PEMT: variants seen among roughly 807,000 people sequenced by gnomAD.
PEMT encodes phospholipid methyltransferase.
In PEMT, 23 loss-of-function variants were observed where a neutral mutation model predicts 27.4. The observed-to-expected ratio is 0.84, with a 90% CI of 0.60 to 1.19. PEMT has a LOEUF of 1.19. Among genes scored for constraint, PEMT ranks in the 50% most tolerant of loss-of-function variants. PEMT has a pLI of 0.00. For missense variants in PEMT, 307 were observed against 310.1 expected (o/e 0.99, Z 0.07); for synonymous variants, 137 against 139.1 (o/e 0.98, Z 0.11).
chr17:17,576,116 C>T (rs1175768486), intron 2 of PEMT, among the ~76,000 whole-genome samples: 1 of 152,146 alleles, frequency 6.6e-6, no homozygotes, highest in East Asian at 1.9e-4. Flanking sequence ...CAGCAGGATC[C>T]CCGGGAAGCA....
Position 17,505,838 on chromosome 17 carries a change from C to A in PEMT, c.664G>T (p.Ala222Ser). The A allele has an allele frequency of 1.9e-6, 3 of 1,610,046 alleles. No homozygotes were observed. Among genetic ancestry groups the A allele is most frequent in the Middle Eastern group, 1.7e-4 (1 of 6,042 alleles). Residue 222 changes from alanine to serine, a missense_variant, in exon 7 of 7, where the codon GCT becomes TCT. By Grantham distance (99) the Ala-to-Ser change is moderately conservative. Coordinates refer to ENST00000255389, the MANE Select transcript of PEMT (RefSeq NM_148172.3). Reference sequence around the variant, plus strand: ...GAGGCTTTCTGCCGGTAGATCTCAGCGGTGAAGGGCCTGCCGGGCAGCGGG... The same window carrying A: ...GAGGCTTTCTGCCGGTAGATCTCAGAGGTGAAGGGCCTGCCGGGCAGCGGG... Reference protein sequence around the residue: ...VALLYEEPFTAEIYRQKASGS... With the variant: ...VALLYEEPFTSEIYRQKASGS...
chr17:17,562,547 A>C (rs954097318), intron 2 of PEMT, among the ~76,000 whole-genome samples: 20 of 152,312 alleles, frequency 1.3e-4, no homozygotes, highest in Non-Finnish European at 2.8e-4. Flanking sequence ...ACGGTGGCTC[A>C]CCTGTAATCC....
chr17:17,587,193 G>C (rs1912361630), intron 1 of PEMT, among the ~76,000 whole-genome samples: 1 of 151,944 alleles, frequency 6.6e-6, no homozygotes, highest in South Asian at 2.1e-4. Context: ...CCTCCAGCCA[G>C]CCTGACCAAG....
chr17:17,524,180 T>C (rs1470146764), intron 2 of PEMT, among the ~76,000 whole-genome samples: 1 of 152,218 alleles, frequency 6.6e-6, no homozygotes, highest in African/African-American at 2.4e-5. Flanking sequence ...TAGGTTGCGT[T>C]AGCAGCACTG....
At position 17,505,778 on chromosome 17, in the gene PEMT, T is replaced by G. The variant is rs367695879; in HGVS notation, c.*13A>C. 1.2e-4 allele frequency: 198 copies of G among 1,606,416 alleles called. No individual in the cohort carries two copies. The highest frequency in any genetic ancestry group is 1.6e-4 in the Non-Finnish European group (192 of 1,176,056). On this transcript the variant is annotated 3_prime_UTR_variant, in exon 7 of 7. Transcript: ENST00000255389. The stretch of plus-strand genomic sequence containing the variant: ...AGGCTGGCCAGGCCTTCAGCAAAGC[T>G]GTTGCAGCTCAATCAGCTCCTCTTG...
intron 3 of PEMT, among the ~76,000 whole-genome samples, chr17:17,517,105 G>A (rs1019019556): frequency 6.6e-5 from 10 of 152,196 alleles, no homozygotes; most frequent in African/African-American, 1.4e-4. Context: ...AAGGACCCGC[G>A]TCCTGCCAGC....
intron 2 of PEMT, chr17:17,570,757 G>T: frequency 1.0e-6 from 1 of 985,472 alleles, no homozygotes. Context: ...GCCCTCAAGG[G>T]TGGCTAGAGA....
At chr17:17,579,068 A>C (rs1299493802) in intron 1 of PEMT, among the ~76,000 whole-genome samples, 1 of 152,114 alleles carries the variant, frequency 6.6e-6, no homozygotes, top group Non-Finnish European at 1.5e-5. Flanking sequence ...GAGCGCTTTG[A>C]TCTCCCACAT....
At chr17:17,515,647 G>A (rs553515517) in intron 3 of PEMT, among the ~76,000 whole-genome samples, 24 of 152,238 alleles carry the variant, frequency 1.6e-4, no homozygotes, top group African/African-American at 5.5e-4. Flanking sequence ...CTCATGGCCC[G>A]AATTAGGCAA....
intron 1 of PEMT, chr17:17,591,297 C>T: frequency 1.8e-6 from 1 of 543,538 alleles, no homozygotes; most frequent in Non-Finnish European, 3.3e-6. Flanking sequence ...AGCTCAGGAA[C>T]GCCCCCGTCT....
chr17:17,528,480 C>T (rs1371894789), intron 2 of PEMT, among the ~76,000 whole-genome samples: 4 of 152,216 alleles, frequency 2.6e-5, no homozygotes, highest in African/African-American at 4.8e-5. Context: ...ATCAGCGCTC[C>T]GAGGCCTTCT....
At chr17:17,554,009 G>T (rs1286234394) in intron 2 of PEMT, among the ~76,000 whole-genome samples, 1 of 152,246 alleles carries the variant, frequency 6.6e-6, no homozygotes, top group Non-Finnish European at 1.5e-5. Context: ...GGAGGCTTCT[G>T]CGGGAGGAGG....
chr17:17,559,923 C>T (rs528318509), intron 2 of PEMT, among the ~76,000 whole-genome samples: 3 of 152,268 alleles, frequency 2.0e-5, no homozygotes, highest in Non-Finnish European at 2.9e-5. Context: ...CCTGAGTGGG[C>T]CCCACCTGAG....
chr17:17,559,751 G>A (rs1044077791), intron 2 of PEMT, among the ~76,000 whole-genome samples: 1 of 152,252 alleles, frequency 6.6e-6, no homozygotes, highest in African/African-American at 2.4e-5. Context: ...CAACAGAAGT[G>A]TGGGGGCAGA....
At chr17:17,558,008 T>C (rs1207374395) in intron 2 of PEMT, among the ~76,000 whole-genome samples, 1 of 152,124 alleles carries the variant, frequency 6.6e-6, no homozygotes, top group Non-Finnish European at 1.5e-5. Context: ...AGCTTCCTGC[T>C]GCAGGACAGT....
At chr17:17,525,908 C>T (rs1277194390) in intron 2 of PEMT, among the ~76,000 whole-genome samples, 3 of 152,238 alleles carry the variant, frequency 2.0e-5, no homozygotes, top group African/African-American at 4.8e-5. Context: ...GCAGGGGAAC[C>T]GCTTGAACCC....
At chr17:17,534,909 T>C (rs1380628526) in intron 2 of PEMT, among the ~76,000 whole-genome samples, 1 of 143,336 alleles carries the variant, frequency 7.0e-6, no homozygotes, top group East Asian at 2.4e-4. Flanking sequence ...TTTATTTTAT[T>C]TTATTTTATT....
chr17:17,588,409 A>T (rs1386314826), intron 1 of PEMT, among the ~76,000 whole-genome samples: 1 of 152,148 alleles, frequency 6.6e-6, no homozygotes, highest in Non-Finnish European at 1.5e-5. Context: ...CATATTACAC[A>T]CAGGGACCTG....
At chr17:17,554,212 A>C (rs552836596) in intron 2 of PEMT, among the ~76,000 whole-genome samples, 8 of 152,256 alleles carry the variant, frequency 5.3e-5, no homozygotes, top group Non-Finnish European at 1.2e-4. Context: ...AGTACAAAGA[A>C]GACAGCGTTA....
Sources: gnomAD v4.1 joint callset for allele counts (sites outside exome capture counted in the v4.1 genomes callset) on GRCh38, gnomAD v4.1.1 for gene constraint, MANE v1.5 for transcripts, NCBI Gene and HGNC (gene_info 2026-07-23, HGNC 2026-07-21) for gene names.